Variants in SUGCT observed in about 807,000 individuals in gnomAD.
The protein encoded by SUGCT is succinyl-CoA:glutarate CoA-transferase.
A neutral mutation model predicts 55.0 loss-of-function variants in SUGCT; 41 were observed. The ratio of observed to expected loss-of-function variants is 0.74; its 90% CI spans 0.58 to 0.97. The LOEUF (loss-of-function observed/expected upper bound fraction) is 0.97. Among genes scored for constraint, SUGCT ranks in the 50% least tolerant of loss-of-function variants. SUGCT has a pLI of 0.00. For missense variants in SUGCT, 568 were observed against 547.8 expected (o/e 1.04, Z -0.37); for synonymous variants, 187 against 200.4 (o/e 0.93, Z 0.56).
At chr7:40,622,252 ATCAT>A (rs1432838193) in intron 12 of SUGCT, among the ~76,000 whole-genome samples, 1 of 152,130 alleles carries the variant, frequency 6.6e-6, no homozygotes, top group African/African-American at 2.4e-5. Context: ...TCTTTATCTG[ATCAT>A]TCAAACTTCT....
intron 6 of SUGCT, among the ~76,000 whole-genome samples, chr7:40,224,916 A>T (rs1788242587): frequency 6.6e-6 from 1 of 152,184 alleles, no homozygotes; most frequent in Non-Finnish European, 1.5e-5. Flanking sequence ...GAATTGTTCC[A>T]GGAAAGCTGT....
At chr7:41,026,860 C>T in the SUGCT span, among the ~76,000 whole-genome samples, 4 of 151,944 alleles carry the variant, frequency 2.6e-5, no homozygotes, top group African/African-American at 4.8e-5. Context: ...GGTGAAATCC[C>T]GTCTCTACTA....
intron 12 of SUGCT, among the ~76,000 whole-genome samples, chr7:40,505,514 A>G (rs1405245616): frequency 2.0e-5 from 3 of 152,080 alleles, no homozygotes; most frequent in African/African-American, 7.2e-5. Context: ...TTTTTAAAGT[A>G]ATATCTTTGA....
chr7:40,556,571 T>C (rs1475036003), intron 12 of SUGCT, among the ~76,000 whole-genome samples: 1 of 152,220 alleles, frequency 6.6e-6, no homozygotes, highest in Non-Finnish European at 1.5e-5. Flanking sequence ...GAATGAATGC[T>C]TGAAAAGGAG....
intron 6 of SUGCT, among the ~76,000 whole-genome samples, chr7:40,223,380 A>G (rs570336134): frequency 2.6e-5 from 4 of 152,296 alleles, no homozygotes; most frequent in African/African-American, 7.2e-5. Flanking sequence ...TTCTTGCCCC[A>G]GTTGTGGAAT....
chr7:40,756,639 T>C (rs547201921), intron 13 of SUGCT, among the ~76,000 whole-genome samples: 2 of 152,248 alleles, frequency 1.3e-5, no homozygotes, highest in East Asian at 1.9e-4. Context: ...CAAATCTCAC[T>C]GGGGAAAAAG....
At chr7:40,237,748 A>C (rs775226124) in intron 7 of SUGCT, 22 bp downstream of exon 7, 1 of 1,592,500 alleles carries the variant, frequency 6.3e-7, no homozygotes. Context: ...TCCTTAGAAT[A>C]TTCATAATTT....
In SUGCT at chr7:40,559,535, T is replaced by A. The variant is rs565314344; in HGVS notation, c.1089+63149T>A. On this transcript the variant is annotated intron_variant, in intron 12 of 13. Coordinates refer to ENST00000335693, the MANE Select transcript of SUGCT (RefSeq NM_001193313.2). The stretch of plus-strand genomic sequence containing the variant: ...CTCATTTTTATCATAAATGGTGAAA[T>A]GAAATGAAGAAGAAAGGGGGTGAGA... 8.7e-4 allele frequency among the ~76,000 whole-genome samples: 132 copies of A among 152,276 alleles called. No homozygotes were observed. In the Middle Eastern group the frequency reaches 0.01, roughly 12 times the overall value.
At chr7:40,251,395 G>A (rs1408111922) in intron 7 of SUGCT, among the ~76,000 whole-genome samples, 1 of 152,116 alleles carries the variant, frequency 6.6e-6, no homozygotes, top group Non-Finnish European at 1.5e-5. Context: ...ATTCTATACT[G>A]CAACAATAAT....
At chr7:40,139,977 A>C (rs572119926) in intron 1 of SUGCT, among the ~76,000 whole-genome samples, 1 of 151,680 alleles carries the variant, frequency 6.6e-6, no homozygotes, top group East Asian at 1.9e-4. Flanking sequence ...ATCTCGGCTC[A>C]CTGCAGCCTC....
intron 9 of SUGCT, among the ~76,000 whole-genome samples, chr7:40,321,673 G>A (rs767854784): frequency 6.6e-6 from 1 of 152,276 alleles, no homozygotes; most frequent in Middle Eastern, 3.4e-3. Flanking sequence ...GAGAGCCACC[G>A]TGCCCAGCCT....
intron 12 of SUGCT, among the ~76,000 whole-genome samples, chr7:40,741,571 T>C (rs1285760514): frequency 6.6e-6 from 1 of 152,220 alleles, no homozygotes; most frequent in Non-Finnish European, 1.5e-5. Context: ...AGTGAAGATA[T>C]ATTTAACACT....
At chr7:40,596,865 A>G (rs1349686161) in intron 12 of SUGCT, among the ~76,000 whole-genome samples, 1 of 152,196 alleles carries the variant, frequency 6.6e-6, no homozygotes, top group Non-Finnish European at 1.5e-5. Flanking sequence ...CTGTATTAAC[A>G]CAATCTATTA....
At chr7:40,310,593 G>A (rs944833061) in intron 8 of SUGCT, among the ~76,000 whole-genome samples, 1 of 152,098 alleles carries the variant, frequency 6.6e-6, no homozygotes, top group Non-Finnish European at 1.5e-5. Context: ...TGGAGTAGAT[G>A]GGAATTCTCT....
intron 9 of SUGCT, among the ~76,000 whole-genome samples, chr7:40,389,442 A>AAAAC (rs67574547): frequency 0.055 from 5,929 of 107,304 alleles, 148 homozygotes; most frequent in Non-Finnish European, 0.078. Flanking sequence ...CGCCTGTCTC[A>AAAAC]AAACAAACAA....
intron 11 of SUGCT, among the ~76,000 whole-genome samples, chr7:40,484,250 G>A (rs148686506): frequency 2.6e-5 from 4 of 152,292 alleles, no homozygotes; most frequent in Non-Finnish European, 4.4e-5. Context: ...TTGAATGTGA[G>A]TATCTTAATA....
At chr7:40,712,012 A>T (rs1260866674) in intron 12 of SUGCT, among the ~76,000 whole-genome samples, 1 of 152,244 alleles carries the variant, frequency 6.6e-6, no homozygotes, top group African/African-American at 2.4e-5. Flanking sequence ...TCCGCATCAA[A>T]GATGAGGAAA....
At chr7:40,668,792 A>G (rs532765092) in intron 12 of SUGCT, among the ~76,000 whole-genome samples, 5 of 152,186 alleles carry the variant, frequency 3.3e-5, no homozygotes, top group Non-Finnish European at 5.9e-5. Context: ...CAGCCTCACA[A>G]GACAAAAATA....
Position 40,167,809 on chromosome 7 carries a change from G to A in SUGCT, c.101-13138G>A, listed in dbSNP as rs543793061. Among the ~76,000 whole-genome samples, 18 of 152,224 alleles carry A rather than the reference G, an allele frequency of 1.2e-4. No individual in the cohort carries two copies. In the South Asian group the frequency reaches 1.7e-3, roughly 14 times the overall value. ...ATCTGGAGGGGTGGAAGTCAGCGGCGGGTCTGCGACAGCAGCAAACAGCAG... is the reference window on the plus strand; with the variant it reads ...ATCTGGAGGGGTGGAAGTCAGCGGCAGGTCTGCGACAGCAGCAAACAGCAG... On this transcript the variant is annotated intron_variant, in intron 1 of 13. Coordinates refer to ENST00000335693, the MANE Select transcript of SUGCT (RefSeq NM_001193313.2).
Sources: gnomAD v4.1 joint callset for allele counts (sites outside exome capture counted in the v4.1 genomes callset) on GRCh38, gnomAD v4.1.1 for gene constraint, MANE v1.5 for transcripts, NCBI Gene and HGNC (gene_info 2026-07-23, HGNC 2026-07-21) for gene names.